The following FGF13 variants were observed in gnomAD, a reference collection of about 807,000 sequenced individuals.
FGF13 encodes the protein fibroblast growth factor homologous factor 2.
In FGF13, 2 loss-of-function variants were observed where a neutral mutation model predicts 19.5. The observed-to-expected ratio is 0.10, with a 90% CI of 0.04 to 0.32. FGF13 has a LOEUF of 0.32. Among genes scored for constraint, FGF13 ranks in the 10% least tolerant of loss-of-function variants. FGF13 has a pLI of 1.00. For synonymous variants in FGF13, 72 were observed against 76.9 expected (o/e 0.94, Z 0.33); for missense variants, 113 against 192.7 (o/e 0.59, Z 2.45).
chrX:139,175,407 T>C (rs778901475), intron 1 of FGF13, among the ~76,000 whole-genome samples: 1 of 112,300 alleles, frequency 8.9e-6, no homozygotes, highest in Non-Finnish European at 1.9e-5. Flanking sequence ...TTTTCTTGCC[T>C]GATTGCCCTG....
intron 1 of FGF13, among the ~76,000 whole-genome samples, chrX:139,082,436 G>T (rs1196916931): frequency 3.6e-5 from 4 of 111,718 alleles, no homozygotes; most frequent in African/African-American, 9.8e-5. Context: ...AAAATAGAGG[G>T]TCTTTTCAGA....
intron 3 of FGF13, among the ~76,000 whole-genome samples, chrX:138,655,148 T>C (rs1285566756): frequency 1.8e-5 from 2 of 112,075 alleles, no homozygotes; most frequent in Non-Finnish European, 3.8e-5. Context: ...TTAATACCCT[T>C]ATCTAAAATA....
intron 3 of FGF13, among the ~76,000 whole-genome samples, chrX:138,764,660 T>C (rs1008585040): frequency 6.2e-5 from 7 of 112,683 alleles, no homozygotes; most frequent in African/African-American, 1.3e-4. Context: ...TTATAGTCTA[T>C]GGCTGTTTTC....
intron 1 of FGF13, among the ~76,000 whole-genome samples, chrX:138,733,726 G>C (rs1442737861): frequency 9.0e-6 from 1 of 111,244 alleles, no homozygotes; most frequent in Non-Finnish European, 1.9e-5. Flanking sequence ...GGCTGTAGTT[G>C]ACACTTAACA....
At chrX:138,944,692 A>T (rs1416477249) in intron 1 of FGF13, among the ~76,000 whole-genome samples, 2 of 110,739 alleles carry the variant, frequency 1.8e-5, no homozygotes, top group African/African-American at 6.6e-5. Context: ...CCTCTAAAGC[A>T]CTCTTGAGCA....
chrX:138,826,580 C>T (rs958456556), intron 3 of FGF13, among the ~76,000 whole-genome samples: 4 of 111,671 alleles, frequency 3.6e-5, no homozygotes, highest in Admixed American at 9.5e-5. Context: ...CATGATCTGC[C>T]GACTAAACGG....
chrX:139,171,445 G>C (rs772052952), intron 1 of FGF13, among the ~76,000 whole-genome samples: 1 of 111,484 alleles, frequency 9.0e-6, no homozygotes, highest in East Asian at 2.9e-4. Flanking sequence ...AATACCTCTT[G>C]ATGGCTTCTG....
chrX:138,645,185 TC>T (rs1460999357), intron 3 of FGF13, among the ~76,000 whole-genome samples: 2 of 112,200 alleles, frequency 1.8e-5, no homozygotes, highest in Non-Finnish European at 3.8e-5. Context: ...AAGGCACCTC[TC>T]AGTAATTACT....
chrX:138,651,171 T>C (rs2089367974), intron 3 of FGF13, among the ~76,000 whole-genome samples: 1 of 111,933 alleles, frequency 8.9e-6, no homozygotes, highest in Non-Finnish European at 1.9e-5. Context: ...CTGCAGACTA[T>C]ACTTAGTTGC....
intron 3 of FGF13, among the ~76,000 whole-genome samples, chrX:138,644,160 T>C (rs1488699123): frequency 8.9e-6 from 1 of 112,397 alleles, no homozygotes; most frequent in Non-Finnish European, 1.9e-5. Flanking sequence ...CAACCAACTG[T>C]CATGCACAAG....
intron 2 of FGF13, 61 bp from the exon 3 acceptor site, chrX:138,703,148 G>T: frequency 1.1e-6 from 1 of 895,328 alleles, no homozygotes; most frequent in Non-Finnish European, 1.6e-6. Context: ...ACTTTTCAAT[G>T]TTTCCAGCAG....
intron 1 of FGF13, among the ~76,000 whole-genome samples, chrX:138,985,584 G>C (rs1212425253): frequency 8.9e-6 from 1 of 111,857 alleles, no homozygotes; most frequent in Non-Finnish European, 1.9e-5. Flanking sequence ...GGAAGAGCCT[G>C]AAAGTGCTTC....
intron 1 of FGF13, among the ~76,000 whole-genome samples, chrX:139,112,971 AGTGTGTGTGTGTGTGTGTGT>A (rs748975156): frequency 4.6e-5 from 4 of 87,752 alleles, no homozygotes; most frequent in Non-Finnish European, 6.8e-5. Context: ...TTGATTATGT[AGTGTGTGTGTGTGTGTGTGT>A]GTGTGTGTGT....
At chrX:138,884,748 G>A (rs2091443614) in intron 1 of FGF13, among the ~76,000 whole-genome samples, 1 of 111,884 alleles carries the variant, frequency 8.9e-6, no homozygotes, top group Non-Finnish European at 1.9e-5. Flanking sequence ...CAAGAGGACA[G>A]GAAGGAAGTC....
intron 3 of FGF13, among the ~76,000 whole-genome samples, chrX:138,678,100 G>A (rs895980425): frequency 5.4e-5 from 6 of 111,383 alleles, no homozygotes; most frequent in South Asian, 7.8e-4. Context: ...AACACCGCAT[G>A]TTCTCACTCA....
At chrX:138,710,100 G>A (rs2090028124) in intron 1 of FGF13, among the ~76,000 whole-genome samples, 1 of 111,063 alleles carries the variant, frequency 9.0e-6, no homozygotes, top group Admixed American at 9.6e-5. Context: ...GGAATATCGC[G>A]CTACTCCTAC....
chrX:138,807,416 C>A (rs910681616), intron 3 of FGF13, among the ~76,000 whole-genome samples: 2 of 110,858 alleles, frequency 1.8e-5, no homozygotes, highest in Non-Finnish European at 3.8e-5. Context: ...CACCACCAGG[C>A]CTGCCCTACA....
intron 1 of FGF13, among the ~76,000 whole-genome samples, chrX:138,881,918 T>G (rs755270296): frequency 9.0e-6 from 1 of 110,622 alleles, no homozygotes; most frequent in Non-Finnish European, 1.9e-5. Context: ...TGCTCTAATC[T>G]TTATTATTTC....
At chrX:138,642,868 C>T (rs1049831779) in intron 3 of FGF13, among the ~76,000 whole-genome samples, 6 of 111,743 alleles carry the variant, frequency 5.4e-5, no homozygotes, top group South Asian at 3.7e-4. Flanking sequence ...AATACCATGC[C>T]ACAAAATGAC....
Sources: gnomAD v4.1 joint callset for allele counts (sites outside exome capture counted in the v4.1 genomes callset) on GRCh38, gnomAD v4.1.1 for gene constraint, MANE v1.5 for transcripts, NCBI Gene and HGNC (gene_info 2026-07-23, HGNC 2026-07-21) for gene names.